The following RDH12 variants were observed in gnomAD, a reference collection of about 807,000 sequenced individuals.
RDH12 encodes all-trans and 9-cis retinol dehydrogenase.
RDH12 carries 21 observed loss-of-function variants against 34.0 expected under a neutral mutation model. That is an observed-to-expected ratio of 0.62 (90% CI 0.44 to 0.89). The LOEUF is 0.89. Among genes scored for constraint, RDH12 ranks in the 40% least tolerant of loss-of-function variants. RDH12 has a pLI of 0.00. For missense variants in RDH12, 394 were observed against 398.6 expected, an observed-to-expected ratio of 0.99 and a Z score of 0.10; for synonymous variants, 198 against 169.9, an observed-to-expected ratio of 1.17 and a Z score of -1.29.
At chr14:67,733,589 T>A (rs1490762031) in intron 8 of RDH12, among the ~76,000 whole-genome samples, 157 bp from the exon 9 acceptor site, 1 of 152,268 alleles carries the variant, frequency 6.6e-6, no homozygotes, top group African/African-American at 2.4e-5. Context: ...AATTTGTTTT[T>A]AAAATATTTT....
intron 7 of RDH12, among the ~76,000 whole-genome samples, chr14:67,728,390 C>T (rs1392628455): frequency 6.6e-6 from 1 of 152,188 alleles, no homozygotes; most frequent in Non-Finnish European, 1.5e-5. Context: ...AAGACAGGCA[C>T]TGACAGATTA....
chr14:67,719,795 T>C (rs570798340), intron 1 of RDH12, among the ~76,000 whole-genome samples: 4 of 152,370 alleles, frequency 2.6e-5, no homozygotes, highest in African/African-American at 9.6e-5. Context: ...AATGTTTATT[T>C]ACTTAAGTTT....
chr14:67,702,900 ACC>A (rs1230433352), intron 1 of RDH12, among the ~76,000 whole-genome samples: 1 of 152,032 alleles, frequency 6.6e-6, no homozygotes, highest in African/African-American at 2.4e-5. Context: ...TGCAGCCTGG[ACC>A]TCCCAGGCTC....
Position 67,715,245 on chromosome 14 carries a change from T to C in RDH12, c.-274-5603T>C, listed in dbSNP as rs141874604. On this transcript the variant is annotated intron_variant, in intron 1 of 8. Coordinates refer to ENST00000551171, the MANE Select transcript of RDH12 (RefSeq NM_152443.3). ...ATAAAAGGGGGGGAGCCCCCTAAATTGAATAGACTTCAGGCCCTACAATAT... is the reference window on the plus strand; with the variant it reads ...ATAAAAGGGGGGGAGCCCCCTAAATCGAATAGACTTCAGGCCCTACAATAT... 4.1e-3 allele frequency: 626 copies of C among 152,070 alleles called. 1 individual carries two copies. The highest frequency in any genetic ancestry group is 6.9e-3 in the Admixed American group (106 of 15,280). 9.4% of individuals were successfully genotyped at this position (152,070 alleles called of 1,614,324 possible). A position where few individuals can be genotyped will look rare whatever the true frequency, so the allele number is the denominator to read the frequency against.
chr14:67,702,102 C>A (rs1253991371), intron 1 of RDH12, among the ~76,000 whole-genome samples, 167 bp downstream of exon 1: 2 of 152,002 alleles, frequency 1.3e-5, no homozygotes, highest in African/African-American at 4.8e-5. Flanking sequence ...CAGTCATGAA[C>A]CACTGTGCCC....
At chr14:67,709,971 C>A (rs2037992441) in intron 1 of RDH12, among the ~76,000 whole-genome samples, 3 of 152,190 alleles carry the variant, frequency 2.0e-5, no homozygotes, top group African/African-American at 7.2e-5. Flanking sequence ...AATTTGCCTC[C>A]TTTGGAAAGG....
chr14:67,711,791 C>T (rs2038010956), intron 1 of RDH12, among the ~76,000 whole-genome samples: 1 of 152,008 alleles, frequency 6.6e-6, no homozygotes, highest in Non-Finnish European at 1.5e-5. Context: ...AAATTTACAC[C>T]ATAAGGTACA....
intron 1 of RDH12, among the ~76,000 whole-genome samples, chr14:67,708,726 T>C (rs1167021595): frequency 6.6e-6 from 1 of 152,044 alleles, no homozygotes; most frequent in Non-Finnish European, 1.5e-5. Context: ...CTATGCTTCC[T>C]GTATAATTTT....
At chr14:67,730,237 A>G (rs1455748848) in intron 8 of RDH12, among the ~76,000 whole-genome samples, 1 of 152,206 alleles carries the variant, frequency 6.6e-6, no homozygotes, top group African/African-American at 2.4e-5. Flanking sequence ...ATAGCTTATA[A>G]GTGGTAGATC....
chr14:67,724,560 C>CTGCTTCTTTCCTATTCCCTCTCT lies in RDH12; in HGVS notation c.156_157insTGCTTCTTTCCTATTCCCTCTCT (p.Lys53CysfsTer30). ...TCACTGGCGCCAACACGGGCATTGG[C>CTGCTTCTTTCCTATTCCCTCTCT]AAGGAGACGGCCAGAGAGCTCGCTA... On this transcript the variant is annotated frameshift_variant, in exon 4 of 9. Coordinates refer to ENST00000551171, the MANE Select transcript of RDH12 (RefSeq NM_152443.3). LOFTEE classifies it high-confidence loss of function. 6.2e-7 allele frequency: 1 copy of CTGCTTCTTTCCTATTCCCTCTCT among 1,613,818 alleles called. No homozygotes were observed. Among genetic ancestry groups the CTGCTTCTTTCCTATTCCCTCTCT allele is most frequent in the Non-Finnish European group, 8.5e-7 (1 of 1,179,812 alleles).
chr14:67,726,781 C>T (rs1422411053), intron 6 of RDH12, among the ~76,000 whole-genome samples, 200 bp from the exon 7 acceptor site: 1 of 152,126 alleles, frequency 6.6e-6, no homozygotes, highest in Non-Finnish European at 1.5e-5. Flanking sequence ...AGTATGATTG[C>T]CTTACTTGTA....
chr14:67,714,130 T>C (rs1363626063), intron 1 of RDH12, among the ~76,000 whole-genome samples: 2 of 152,218 alleles, frequency 1.3e-5, no homozygotes, highest in African/African-American at 4.8e-5. Context: ...TTTTTTCTTG[T>C]AATTAACTTC....
chr14:67,725,389 G>A, intron 5 of RDH12, 135 bp downstream of exon 5: 1 of 920,766 alleles, frequency 1.1e-6, no homozygotes. Flanking sequence ...TGAACCAGCA[G>A]GACAGGGAAT....
intron 1 of RDH12, among the ~76,000 whole-genome samples, chr14:67,704,562 GGTAA>G (rs1297543097): frequency 6.6e-6 from 1 of 152,028 alleles, no homozygotes; most frequent in African/African-American, 2.4e-5. Flanking sequence ...GTGGAAGGAT[GGTAA>G]GTATTATACC....
At chr14:67,727,274 A>T in intron 7 of RDH12, 84 bp downstream of exon 7, 1 of 976,862 alleles carries the variant, frequency 1.0e-6, no homozygotes, top group Non-Finnish European at 1.6e-6. Context: ...CAGGCTGTCA[A>T]ACATGCACGT....
intron 2 of RDH12, among the ~76,000 whole-genome samples, chr14:67,721,845 A>C (rs1474980254): frequency 6.6e-6 from 1 of 151,972 alleles, no homozygotes; most frequent in African/African-American, 2.4e-5. Flanking sequence ...GAGTTAACAG[A>C]GAGGTTTAGT....
chr14:67,714,434 G>C (rs1032308922), intron 1 of RDH12: 2 of 152,110 alleles, frequency 1.3e-5, no homozygotes, highest in African/African-American at 4.8e-5. Context: ...TCTGTGCCCA[G>C]CTTTGTTTTA....
intron 1 of RDH12, among the ~76,000 whole-genome samples, chr14:67,713,571 A>G (rs1424361347): frequency 6.6e-6 from 1 of 152,168 alleles, no homozygotes; most frequent in East Asian, 1.9e-4. Context: ...AGGCACTGAT[A>G]GGAGATTTGT....
At chr14:67,729,757 A>G (rs1446332052) in intron 8 of RDH12, 1 of 506,548 alleles carries the variant, frequency 2.0e-6, no homozygotes, top group East Asian at 5.3e-5. Flanking sequence ...ACAAAGTGCT[A>G]GGGGAACGTC....
Sources: allele counts gnomAD v4.1 joint callset (sites outside exome capture counted in the v4.1 genomes callset), GRCh38; gene constraint gnomAD v4.1.1; transcripts MANE v1.5; gene names NCBI Gene and HGNC (gene_info 2026-07-23, HGNC 2026-07-21).